DCT: variants seen among roughly 807,000 people sequenced by gnomAD.
DCT encodes dopachrome tautomerase, also known as L-dopachrome tautomerase.
In DCT, 47 loss-of-function variants were observed where a neutral mutation model predicts 53.0. The observed-to-expected ratio is 0.89, with a 90% confidence interval of 0.70 to 1.13. The LOEUF (loss-of-function observed/expected upper bound fraction) is 1.13. Among genes scored for constraint, DCT ranks in the 50% most tolerant of loss-of-function variants. The pLI, the probability that DCT is intolerant of heterozygous loss-of-function variation, is 0.00. For synonymous variants in DCT, 244 were observed against 237.0 expected (o/e 1.03, Z -0.27); for missense variants, 669 against 637.4 (o/e 1.05, Z -0.53).
the DCT span, among the ~76,000 whole-genome samples, chr13:94,525,132 C>T: frequency 6.6e-6 from 1 of 152,052 alleles, no homozygotes; most frequent in Admixed American, 6.5e-5. Context: ...TGGAGTTTCC[C>T]TCTTGTTGCC....
chr13:94,466,318 T>TA (rs1884216105), intron 3 of DCT, among the ~76,000 whole-genome samples: 1 of 151,934 alleles, frequency 6.6e-6, no homozygotes, highest in South Asian at 2.1e-4. Context: ...AGACTATAGT[T>TA]AACGTTGTAT....
chr13:94,517,047 AC>A, the DCT span, among the ~76,000 whole-genome samples: 75 of 152,344 alleles, frequency 4.9e-4, no homozygotes, highest in Non-Finnish European at 9.0e-4. Context: ...CTCAAGGCAT[AC>A]TAATTATGTA....
chr13:94,540,722 G>A, the DCT span, among the ~76,000 whole-genome samples: 1 of 152,298 alleles, frequency 6.6e-6, no homozygotes, highest in African/African-American at 2.4e-5. Flanking sequence ...TACAATCATT[G>A]TGGAGGACAC....
At chr13:94,500,079 A>T in the DCT span, among the ~76,000 whole-genome samples, 1 of 152,142 alleles carries the variant, frequency 6.6e-6, no homozygotes, top group Non-Finnish European at 1.5e-5. Flanking sequence ...AGTTAAGTAT[A>T]GTCACCGGGC....
chr13:94,488,337 T>C, the DCT span, among the ~76,000 whole-genome samples: 2 of 152,146 alleles, frequency 1.3e-5, no homozygotes, highest in Admixed American at 1.3e-4. Flanking sequence ...AATATATATA[T>C]TTTTAGACAA....
the DCT span, among the ~76,000 whole-genome samples, chr13:94,497,281 A>G: frequency 0.64 from 97,872 of 151,976 alleles, 31,738 homozygotes; most frequent in African/African-American, 0.69. Context: ...CCCTTCCCTG[A>G]GTCTCCAGCC....
the DCT span, among the ~76,000 whole-genome samples, chr13:94,521,390 G>T: frequency 1.3e-5 from 2 of 152,204 alleles, no homozygotes; most frequent in African/African-American, 4.8e-5. Flanking sequence ...CCCTTTAGTG[G>T]CCGGGCACGG....
chr13:94,451,761 AT>A (rs1883109522), intron 6 of DCT, among the ~76,000 whole-genome samples: 1 of 152,128 alleles, frequency 6.6e-6, no homozygotes, highest in Non-Finnish European at 1.5e-5. Context: ...GATCACATTC[AT>A]TTTCCATAAA....
At chr13:94,490,041 A>G in the DCT span, among the ~76,000 whole-genome samples, 3 of 152,218 alleles carry the variant, frequency 2.0e-5, no homozygotes, top group Non-Finnish European at 2.9e-5. Flanking sequence ...GCAAGGTTTA[A>G]AGAAGCCACA....
intron 6 of DCT, among the ~76,000 whole-genome samples, chr13:94,453,800 C>T (rs1883246239): frequency 6.6e-6 from 1 of 152,204 alleles, no homozygotes; most frequent in Non-Finnish European, 1.5e-5. Context: ...TCACCTTCCA[C>T]CATGATCGTG....
rs138342462 is a variant in DCT, at chr13:94,468,879, G to A, written c.462C>T (p.Pro154=). 2.2e-5 allele frequency: 36 copies of A among 1,614,138 alleles called. No individual in the cohort carries two copies. The highest frequency in any genetic ancestry group is 2.7e-5 in the Non-Finnish European group (32 of 1,180,032). Residue 154 remains proline (P), a synonymous_variant, in exon 2 of 8, where the codon CCC becomes CCT. Coordinates refer to ENST00000377028, the MANE Select transcript of DCT (RefSeq NM_001922.5). The part of the protein sequence containing the change: ...ALDLAKKRVH[P]DYVITTQHWL... ...AGTGTTGTGTGGTGATCACGTAGTC[G>A]GGGTGTACTCTCTTCTTCGCGAGAT...
At position 94,477,003 on chromosome 13, in the gene DCT, T is replaced by C. The variant is rs546373454; in HGVS notation, c.295+1958A>G. 2.0e-5 allele frequency among the ~76,000 whole-genome samples: 3 copies of C among 152,330 alleles called. No individual in the cohort carries two copies. In the East Asian group the frequency reaches 5.8e-4, roughly 29 times the overall value. On this transcript the variant is annotated intron_variant, in intron 1 of 7. Transcript: ENST00000377028. Reference sequence around the variant, plus strand: ...ATGTTATTGAAATTTTTGTCATGATTAATACCCAGGGCAAAACCAGGACCT... The same window carrying C: ...ATGTTATTGAAATTTTTGTCATGATCAATACCCAGGGCAAAACCAGGACCT...
intron 7 of DCT, 82 bp from the exon 8 acceptor site, chr13:94,440,158 C>T: frequency 8.6e-7 from 1 of 1,164,512 alleles, no homozygotes; most frequent in Non-Finnish European, 1.2e-6. Flanking sequence ...AGCGCACTTG[C>T]CTTTCACGTG....
chr13:94,549,004 G>A, the DCT span, among the ~76,000 whole-genome samples: 1 of 151,362 alleles, frequency 6.6e-6, no homozygotes, highest in Non-Finnish European at 1.5e-5. Flanking sequence ...GAGAACCACC[G>A]GTGCAGACCC....
intron 4 of DCT, among the ~76,000 whole-genome samples, chr13:94,464,662 A>C (rs1022317761): frequency 8.0e-5 from 12 of 149,076 alleles, no homozygotes; most frequent in African/African-American, 2.2e-4. Context: ...AACAAAAAAC[A>C]AAAAACAAAA....
intron 6 of DCT, among the ~76,000 whole-genome samples, chr13:94,446,402 T>TCA (rs1882737018): frequency 3.9e-5 from 6 of 152,132 alleles, no homozygotes; most frequent in Admixed American, 2.6e-4. Flanking sequence ...ACCTCTGAAA[T>TCA]CACACACACT....
At chr13:94,457,461 C>T (rs1670619062) in intron 6 of DCT, among the ~76,000 whole-genome samples, 1 of 152,132 alleles carries the variant, frequency 6.6e-6, no homozygotes, top group Non-Finnish European at 1.5e-5. Flanking sequence ...GGTCTTAGAC[C>T]TCCTGGCCTC....
the DCT span, among the ~76,000 whole-genome samples, chr13:94,540,753 C>CA: frequency 3.6e-3 from 553 of 151,670 alleles, 3 homozygotes; most frequent in Admixed American, 0.011. Context: ...CCTCAAAAAA[C>CA]AAAAAAAATA....
chr13:94,438,401 A>T lies in DCT; in HGVS notation c.*1497T>A, dbSNP rs988807071. The T allele has an allele frequency of 4.2e-6, 1 of 235,524 alleles. No homozygotes were observed. The highest frequency in any genetic ancestry group is 2.3e-5 in the African/African-American group (1 of 43,476). The allele number at this position is 235,524 out of a possible 1,614,324, so 14.6% of individuals were successfully genotyped here. On this transcript the variant is annotated 3_prime_UTR_variant, in exon 8 of 8. Transcript: ENST00000377028. ...TTTATGAGATTCAAATTCAGTTCCA[A>T]CTGGGCTTTGTCCATTTCTCTGGCT...
Sources: gnomAD v4.1 joint callset for allele counts (sites outside exome capture counted in the v4.1 genomes callset) on GRCh38, gnomAD v4.1.1 for gene constraint, MANE v1.5 for transcripts, NCBI Gene and HGNC (gene_info 2026-07-23, HGNC 2026-07-21) for gene names.